The following PTPRM variants were observed in gnomAD, a reference collection of about 807,000 sequenced individuals.
PTPRM encodes the protein protein tyrosine phosphatase receptor type M, also known as receptor-type tyrosine-protein phosphatase mu.
In PTPRM, 47 loss-of-function variants were observed where a neutral mutation model predicts 186.7. The ratio of observed to expected loss-of-function variants is 0.25; its 90% confidence interval spans 0.20 to 0.32. The LOEUF (loss-of-function observed/expected upper bound fraction) is 0.32. PTPRM is among the 10% of genes least tolerant of loss of function. PTPRM has a pLI of 1.00. For missense variants in PTPRM, 1,494 were observed against 1,865.0 expected (o/e 0.80, Z 3.66); for synonymous variants, 668 against 674.9 (o/e 0.99, Z 0.16).
chr18:7,676,056 T>A (rs2039328746), intron 1 of PTPRM, among the ~76,000 whole-genome samples: 2 of 151,990 alleles, frequency 1.3e-5, no homozygotes, highest in African/African-American at 4.8e-5. Flanking sequence ...TTTTTTAACA[T>A]TGTGAAATGG....
At chr18:8,076,919 T>C (rs1346233851) in intron 9 of PTPRM, among the ~76,000 whole-genome samples, 1 of 152,164 alleles carries the variant, frequency 6.6e-6, no homozygotes, top group Non-Finnish European at 1.5e-5. Context: ...CTATTAAATA[T>C]TTTACTACTG....
intron 2 of PTPRM, among the ~76,000 whole-genome samples, chr18:7,827,850 G>A (rs148633399): frequency 6.6e-6 from 1 of 152,188 alleles, no homozygotes; most frequent in Non-Finnish European, 1.5e-5. Flanking sequence ...AACTGTGGGC[G>A]TGATTAATTA....
intron 11 of PTPRM, among the ~76,000 whole-genome samples, chr18:8,095,414 T>G (rs1465027060): frequency 1.3e-5 from 2 of 151,880 alleles, no homozygotes; most frequent in Non-Finnish European, 2.9e-5. Context: ...CAGGGAGGAC[T>G]GAGTTTGGCC....
At chr18:8,007,556 A>T (rs998590660) in intron 7 of PTPRM, among the ~76,000 whole-genome samples, 2 of 152,238 alleles carry the variant, frequency 1.3e-5, no homozygotes, top group African/African-American at 4.8e-5. Context: ...CTTGTCTAAC[A>T]GTGCCCAGCA....
intron 1 of PTPRM, among the ~76,000 whole-genome samples, chr18:7,596,234 A>T (rs536017331): frequency 6.6e-6 from 1 of 152,308 alleles, no homozygotes; most frequent in Non-Finnish European, 1.5e-5. Context: ...CTAAGTGACC[A>T]CTGGGCAGGG....
chr18:7,736,869 G>T (rs1568064242), intron 1 of PTPRM, among the ~76,000 whole-genome samples: 1 of 152,154 alleles, frequency 6.6e-6, no homozygotes, highest in African/African-American at 2.4e-5. Context: ...TTTCCTTGTT[G>T]TTTTTTCTTA....
rs7229502 is a variant in PTPRM, at chr18:8,313,904, C to T, written c.2843-877C>T. On this transcript the variant is annotated intron_variant, in intron 20 of 32. Coordinates refer to ENST00000580170, the MANE Select transcript of PTPRM (RefSeq NM_001105244.2). Reference sequence around the variant, plus strand: ...CTGTGGCTGACACCTATAATCCTAGCATTTGGGAGGTTGAGGCAGGAGAAC... The same window carrying T: ...CTGTGGCTGACACCTATAATCCTAGTATTTGGGAGGTTGAGGCAGGAGAAC... Among the ~76,000 whole-genome samples the T allele has an allele frequency of 2.0e-3, 308 of 152,130 alleles. 1 individual carries two copies. Among genetic ancestry groups the T allele is most frequent in the African/African-American group, 6.9e-3 (285 of 41,498 alleles).
intron 1 of PTPRM, among the ~76,000 whole-genome samples, chr18:7,734,335 T>C (rs2040723728): frequency 6.6e-6 from 1 of 152,190 alleles, no homozygotes; most frequent in Non-Finnish European, 1.5e-5. Context: ...ACAGTGCAAA[T>C]GCCAGGCAGG....
rs752151444 is a variant in PTPRM, at chr18:8,030,046, GCACAGGTGC to G, written c.1133-39636_1133-39628del. Among the ~76,000 whole-genome samples the G allele has an allele frequency of 1.5e-3, 225 of 152,354 alleles. 2 individuals are homozygous for G. Among genetic ancestry groups the G allele is most frequent in the Non-Finnish European group, 9.4e-4 (64 of 68,038 alleles). On this transcript the variant is annotated intron_variant, in intron 7 of 32. Transcript: ENST00000580170. Reference sequence around the variant, plus strand: ...GACCAATCCATTCCTTTAAGCAAGAGCACAGGTGCCACCATCTTTAAAAAGCGCACACAA... The same window carrying G: ...GACCAATCCATTCCTTTAAGCAAGAGCACCATCTTTAAAAAGCGCACACAA...
chr18:7,585,190 T>A (rs2036946495), intron 1 of PTPRM, among the ~76,000 whole-genome samples: 1 of 152,212 alleles, frequency 6.6e-6, no homozygotes, highest in Admixed American at 6.5e-5. Context: ...CATGAGGCCT[T>A]TAGGCACTAT....
chr18:8,392,892 TAAAC>T (rs1038643561), intron 31 of PTPRM, among the ~76,000 whole-genome samples: 4 of 152,042 alleles, frequency 2.6e-5, no homozygotes, highest in African/African-American at 4.8e-5. Context: ...CACACTGAAA[TAAAC>T]AAATCATAAA....
chr18:8,078,873 T>C (rs2089975665), intron 9 of PTPRM, among the ~76,000 whole-genome samples: 1 of 152,118 alleles, frequency 6.6e-6, no homozygotes, highest in Non-Finnish European at 1.5e-5. Context: ...AGAGCAAGAA[T>C]TCACTCATCA....
chr18:8,384,851 T>C (rs1198030418), intron 30 of PTPRM, among the ~76,000 whole-genome samples, 165 bp downstream of exon 30: 1 of 152,198 alleles, frequency 6.6e-6, no homozygotes, highest in African/African-American at 2.4e-5. Flanking sequence ...TACATTCTAA[T>C]AGGAGCAGTA....
At chr18:8,358,248 C>T (rs1225957655) in intron 23 of PTPRM, among the ~76,000 whole-genome samples, 1 of 108,016 alleles carries the variant, frequency 9.3e-6, no homozygotes, top group Non-Finnish European at 2.0e-5. Flanking sequence ...GCACATGACA[C>T]GCACACACAC....
intron 1 of PTPRM, among the ~76,000 whole-genome samples, chr18:7,654,107 G>A (rs2038790738): frequency 1.3e-5 from 2 of 152,042 alleles, no homozygotes; most frequent in African/African-American, 2.4e-5. Flanking sequence ...TTGGCCATAT[G>A]TATGTCTTCT....
intron 6 of PTPRM, among the ~76,000 whole-genome samples, chr18:7,953,140 C>A (rs1332915544): frequency 6.6e-6 from 1 of 152,188 alleles, no homozygotes; most frequent in Non-Finnish European, 1.5e-5. Flanking sequence ...TGGTACTTTT[C>A]TTAATGGAGA....
intron 7 of PTPRM, among the ~76,000 whole-genome samples, chr18:7,986,529 AG>A (rs931374614): frequency 1.3e-5 from 2 of 152,336 alleles, no homozygotes; most frequent in South Asian, 4.1e-4. Context: ...CATGGAGAAC[AG>A]TACATGCACA....
intron 1 of PTPRM, among the ~76,000 whole-genome samples, chr18:7,745,517 C>A (rs1287862984): frequency 6.6e-6 from 1 of 152,154 alleles, no homozygotes; most frequent in Admixed American, 6.5e-5. Flanking sequence ...AGGTAAATAC[C>A]TCAGGCTTTT....
At chr18:7,611,133 GT>G (rs1271222377) in intron 1 of PTPRM, among the ~76,000 whole-genome samples, 2 of 152,116 alleles carry the variant, frequency 1.3e-5, no homozygotes, top group Admixed American at 6.5e-5. Context: ...AAATATTTTT[GT>G]AAGCTGTACA....
Sources: allele counts gnomAD v4.1 joint callset (sites outside exome capture counted in the v4.1 genomes callset), GRCh38; gene constraint gnomAD v4.1.1; transcripts MANE v1.5; gene names NCBI Gene and HGNC (gene_info 2026-07-23, HGNC 2026-07-21).